The following WDR59 variants were observed in gnomAD, a reference collection of about 807,000 sequenced individuals.
WDR59 encodes GATOR2 complex protein WDR59.
Under a neutral mutation model 131.2 loss-of-function variants are expected in WDR59, and 100 were observed. The ratio of observed to expected loss-of-function variants is 0.76; its 90% CI spans 0.65 to 0.90. The LOEUF (loss-of-function observed/expected upper bound fraction) is 0.90. Ranked by LOEUF, WDR59 falls within the 40% of genes least tolerant of loss-of-function variation. The pLI is 0.00. For missense variants in WDR59, 1,203 were observed against 1,262.2 expected (o/e 0.95, Z 0.71); for synonymous variants, 601 against 466.2 (o/e 1.29, Z -3.72).
Position 74,891,100 on chromosome 16 carries a change from G to A in WDR59, c.2083-1285C>T, listed in dbSNP as rs143234479. Among the ~76,000 whole-genome samples the A allele has an allele frequency of 5.5e-3, 782 of 141,842 alleles. 6 individuals carry two copies. Among genetic ancestry groups the A allele is most frequent in the African/African-American group, 0.018 (693 of 37,508 alleles). 93.1% of individuals were successfully genotyped at this position (141,842 alleles called of 152,430 possible). A position where few individuals can be genotyped will look rare whatever the true frequency, so the allele number is the denominator to read the frequency against. Reference sequence around the variant, plus strand: ...TGCACTCCAGCCTGGGCGACAGAGCGAGACTCTGTCTCAAAAAAAAAAAAA... The same window carrying A: ...TGCACTCCAGCCTGGGCGACAGAGCAAGACTCTGTCTCAAAAAAAAAAAAA... On this transcript the variant is annotated intron_variant, in intron 20 of 25. Transcript: ENST00000262144.
chr16:74,893,802 C>T lies in WDR59; in HGVS notation c.1877G>A (p.Arg626Gln), dbSNP rs745552818. 5 of 1,613,930 alleles carry T rather than the reference C, an allele frequency of 3.1e-6. No individual in the cohort carries two copies. Among genetic ancestry groups the T allele is most frequent in the African/African-American group, 2.7e-5 (2 of 74,874 alleles). ...TGATCCCTCACGCTTACTTTTCCATCGTCTTGATTTCTAGGGGTAGATGAC... is the reference window on the plus strand; with the variant it reads ...TGATCCCTCACGCTTACTTTTCCATTGTCTTGATTTCTAGGGGTAGATGAC... ...SFYYKERKSRRWKSKREGSDS... is the reference protein window; with the variant it reads ...SFYYKERKSRQWKSKREGSDS... The change falls in exon 19 of 26, where the codon CGA becomes CAA. Residue 626 changes from arginine to glutamine, a missense_variant. Physicochemically the swap from Arg to Gln is conservative, Grantham distance 43. Coordinates refer to ENST00000262144, the MANE Select transcript of WDR59 (RefSeq NM_030581.4).
intron 8 of WDR59, among the ~76,000 whole-genome samples, chr16:74,934,489 A>G (rs2031643243): frequency 1.3e-5 from 2 of 152,192 alleles, no homozygotes; most frequent in African/African-American, 2.4e-5. Context: ...AAACGATTAT[A>G]TGTCATTTGC....
intron 6 of WDR59, among the ~76,000 whole-genome samples, chr16:74,947,020 C>A (rs1199246326): frequency 6.6e-6 from 1 of 152,194 alleles, no homozygotes; most frequent in Non-Finnish European, 1.5e-5. Flanking sequence ...TTCTATTCCA[C>A]ATTCTACTCT....
intron 1 of WDR59, among the ~76,000 whole-genome samples, chr16:74,971,232 G>C (rs773542599): frequency 6.6e-6 from 1 of 151,656 alleles, no homozygotes; most frequent in Non-Finnish European, 1.5e-5. Context: ...CATTCGTTTC[G>C]TTAATACCTC....
Position 74,909,849 on chromosome 16 carries a change from C to G in WDR59, c.1458G>C (p.Gln486His), listed in dbSNP as rs370946621. 2.0e-5 allele frequency: 32 copies of G among 1,612,756 alleles called. No homozygotes were observed. Among genetic ancestry groups the G allele is most frequent in the Non-Finnish European group, 2.6e-5 (31 of 1,180,012 alleles). Reference sequence around the variant, plus strand: ...CAAAGGACTCAAGGCAGGAGACGAGCTGGCGCAGGCAGGGCTCCAGGCAGC... The same window carrying G: ...CAAAGGACTCAAGGCAGGAGACGAGGTGGCGCAGGCAGGGCTCCAGGCAGC... Reference protein sequence around the residue: ...GQSCLEPCLRQLVSCLESFVN... With the variant: ...GQSCLEPCLRHLVSCLESFVN... The change falls in exon 15 of 26, where the codon CAG (glutamine) becomes CAC (histidine). Residue 486 changes from glutamine (Q) to histidine (H), a missense_variant. By Grantham distance (24) the Gln-to-His change is conservative. Coordinates refer to ENST00000262144, the MANE Select transcript of WDR59 (RefSeq NM_030581.4).
chr16:74,973,497 G>A (rs892131545), intron 1 of WDR59, among the ~76,000 whole-genome samples: 3 of 152,004 alleles, frequency 2.0e-5, no homozygotes, highest in Non-Finnish European at 4.4e-5. Flanking sequence ...CTGTTGCCCC[G>A]GCTGGTCTCG....
At chr16:74,956,329 G>T in intron 3 of WDR59, 146 bp downstream of exon 3, 1 of 1,064,154 alleles carries the variant, frequency 9.4e-7, no homozygotes, top group South Asian at 2.3e-5. Flanking sequence ...TCCGTAACTT[G>T]CCTCTGTCTT....
intron 8 of WDR59, among the ~76,000 whole-genome samples, chr16:74,934,739 G>A (rs1218846450): frequency 6.6e-6 from 1 of 152,108 alleles, no homozygotes; most frequent in African/African-American, 2.4e-5. Context: ...CTTGAGCCCA[G>A]GAGTTCAAAA....
chr16:74,961,570 T>C (rs1327268253), intron 2 of WDR59, among the ~76,000 whole-genome samples: 1 of 152,204 alleles, frequency 6.6e-6, no homozygotes, highest in Non-Finnish European at 1.5e-5. Flanking sequence ...TTTTTTCATA[T>C]GTTGGCTGCA....
Position 74,916,969 on chromosome 16 carries a change from A to G in WDR59, c.967-710T>C, listed in dbSNP as rs929879023. On this transcript the variant is annotated intron_variant, in intron 11 of 25. Transcript: ENST00000262144. ...GTAATGAGATTTGATCAAACTGCTC[A>G]AGAGTGACTTCATACTAAGCAGTGT... 2.0e-5 allele frequency among the ~76,000 whole-genome samples: 3 copies of G among 152,336 alleles called. No homozygotes were observed. In the South Asian group the frequency reaches 6.2e-4, roughly 32 times the overall value.
chr16:74,930,121 G>C (rs1207048916), intron 8 of WDR59, among the ~76,000 whole-genome samples: 2 of 152,124 alleles, frequency 1.3e-5, no homozygotes, highest in Non-Finnish European at 2.9e-5. Flanking sequence ...AAAAGAGCCA[G>C]TATTTGACAA....
chr16:74,981,649 T>TAC (rs1567450887), intron 1 of WDR59, among the ~76,000 whole-genome samples: 33 of 5,566 alleles, frequency 5.9e-3, no homozygotes, highest in Non-Finnish European at 9.2e-3. Context: ...TATATATATA[T>TAC]ATATATATAT....
chr16:74,978,378 G>A (rs2034271326), intron 1 of WDR59, among the ~76,000 whole-genome samples: 1 of 149,648 alleles, frequency 6.7e-6, no homozygotes, highest in East Asian at 2.0e-4. Context: ...TGTCGACTCA[G>A]TTATTCAGGA....
In WDR59 at chr16:74,889,790, G is replaced by T. The variant is rs77964917; in HGVS notation, c.2108C>A (p.Thr703Lys). 6.2e-7 allele frequency: 1 copy of T among 1,614,122 alleles called. No individual in the cohort carries two copies. The highest frequency in any genetic ancestry group is 8.5e-7 in the Non-Finnish European group (1 of 1,180,002). The stretch of plus-strand genomic sequence containing the variant: ...AGATTTCGGACCAAGGCAAAGATCT[G>T]TAGCTACCGTAGCCAGCGACCAAAC... ...VQVWSLATVATDLCLGPKSDP... is the reference protein window; with the variant it reads ...VQVWSLATVAKDLCLGPKSDP... The change falls in exon 21 of 26, where the codon ACA becomes AAA. Residue 703 changes from threonine (T) to lysine (K), a missense_variant. Transcript: ENST00000262144.
intron 13 of WDR59, 182 bp downstream of exon 13, chr16:74,915,688 T>A: frequency 1.4e-6 from 1 of 740,288 alleles, no homozygotes; most frequent in Non-Finnish European, 2.1e-6. Context: ...ACTCCCAAAG[T>A]GCTGGGATTA....
intron 18 of WDR59, among the ~76,000 whole-genome samples, chr16:74,895,439 T>A (rs1481876994): frequency 6.6e-6 from 1 of 152,114 alleles, no homozygotes; most frequent in Non-Finnish European, 1.5e-5. Flanking sequence ...ATTTTTGTAT[T>A]TTTAGTAGAG....
In WDR59 at chr16:74,931,393, C is replaced by A. The variant is rs111507336; in HGVS notation, c.651+6757G>T. Among the ~76,000 whole-genome samples, 67 of 152,120 alleles carry A rather than the reference C, an allele frequency of 4.4e-4. 1 individual carries two copies. Among genetic ancestry groups the A allele is most frequent in the Middle Eastern group, 3.4e-3 (1 of 294 alleles). On this transcript the variant is annotated intron_variant, in intron 8 of 25. Transcript: ENST00000262144. The stretch of plus-strand genomic sequence containing the variant: ...CTTTTTCAGGCAGGTTGGAGTGCAG[C>A]GGCACAATCTTGGCTCAATACAACC...
rs1369203850 is a variant in WDR59, at chr16:74,887,678, C to T, written c.2419+5G>A. 6.2e-7 allele frequency: 1 copy of T among 1,614,060 alleles called. No homozygotes were observed. The highest frequency in any genetic ancestry group is 8.5e-7 in the Non-Finnish European group (1 of 1,179,958). ...CAGCGTGGGCTAAGTCATTTCCATA[C>T]AAACCTATGTTCCAGCCGCCAGTGT... On this transcript the variant is annotated splice_donor_5th_base_variant and intron_variant, in intron 23 of 25. Transcript: ENST00000262144.
intron 1 of WDR59, among the ~76,000 whole-genome samples, chr16:74,972,505 G>A (rs66752141): frequency 0.41 from 61,654 of 151,818 alleles, 14,591 homozygotes; most frequent in Non-Finnish European, 0.54. Flanking sequence ...CAGCAGAAAC[G>A]GTATGCATCG....
Sources: gnomAD v4.1 joint callset for allele counts (sites outside exome capture counted in the v4.1 genomes callset) on GRCh38, gnomAD v4.1.1 for gene constraint, MANE v1.5 for transcripts, NCBI Gene and HGNC (gene_info 2026-07-23, HGNC 2026-07-21) for gene names.